Variants in GLI3 observed in about 807,000 individuals in gnomAD.
GLI3 encodes transcription activator GLI3.
Under a neutral mutation model 100.8 loss-of-function variants are expected in GLI3, and 20 were observed. The ratio of observed to expected loss-of-function variants is 0.20; its 90% CI spans 0.14 to 0.29. GLI3 has a LOEUF of 0.29. Ranked by LOEUF, GLI3 falls within the 10% of genes least tolerant of loss-of-function variation. GLI3 has a pLI of 1.00. For missense variants in GLI3, 2,040 were observed against 2,128.5 expected (o/e 0.96, Z 0.82); for synonymous variants, 938 against 860.5 (o/e 1.09, Z -1.58).
chr7:42,217,491 C>T (rs1450797477), intron 2 of GLI3, among the ~76,000 whole-genome samples: 1 of 152,118 alleles, frequency 6.6e-6, no homozygotes, highest in African/African-American at 2.4e-5. Flanking sequence ...ACCAGTTCAA[C>T]CCAGGAAAAG....
chr7:42,166,357 G>A (rs1787240771), intron 2 of GLI3, among the ~76,000 whole-genome samples: 1 of 152,206 alleles, frequency 6.6e-6, no homozygotes, highest in South Asian at 2.1e-4. Context: ...TTGAATGAAT[G>A]TGGTGGGACT....
At chr7:42,124,366 C>T (rs547233996) in intron 3 of GLI3, among the ~76,000 whole-genome samples, 1 of 152,202 alleles carries the variant, frequency 6.6e-6, no homozygotes, top group Non-Finnish European at 1.5e-5. Context: ...AAAATGTGGA[C>T]GACACTTATT....
intron 2 of GLI3, among the ~76,000 whole-genome samples, chr7:42,188,271 T>C (rs1787759459): frequency 6.6e-6 from 1 of 152,146 alleles, no homozygotes; most frequent in Non-Finnish European, 1.5e-5. Flanking sequence ...TAATTTGTTA[T>C]AGCAGCCTAG....
At chr7:42,230,690 T>G (rs2128705450) in intron 1 of GLI3, among the ~76,000 whole-genome samples, 1 of 152,366 alleles carries the variant, frequency 6.6e-6, no homozygotes, top group Middle Eastern at 3.4e-3. Flanking sequence ...GAGGGGAGTA[T>G]GAGGTCTCCA....
intron 2 of GLI3, among the ~76,000 whole-genome samples, chr7:42,198,572 C>T (rs530030222): frequency 2.0e-5 from 3 of 152,326 alleles, no homozygotes; most frequent in Admixed American, 6.5e-5. Flanking sequence ...TCCAAACACC[C>T]TCTACCTCAT....
chr7:42,194,440 C>T (rs1462666588), intron 2 of GLI3, among the ~76,000 whole-genome samples: 1 of 152,214 alleles, frequency 6.6e-6, no homozygotes, highest in Non-Finnish European at 1.5e-5. Context: ...TCCAACTTTT[C>T]TGGCTCTGCT....
Position 41,977,942 on chromosome 7 carries a change from T to G in GLI3, c.1648-220A>C, listed in dbSNP as rs201067187. On this transcript the variant is annotated intron_variant, in intron 11 of 14. Coordinates refer to ENST00000395925, the MANE Select transcript of GLI3 (RefSeq NM_000168.6). ...TTCAGTGCCAGTAAAAGTCCTGAAGTTTTTTTTTTTAATAGACCGCTCAAT... is the reference window on the plus strand; with the variant it reads ...TTCAGTGCCAGTAAAAGTCCTGAAGGTTTTTTTTTTAATAGACCGCTCAAT... The G allele has an allele frequency of 2.1e-5, 4 of 189,574 alleles. No individual in the cohort carries two copies. In the East Asian group the frequency reaches 3.4e-3, roughly 159 times the overall value. 11.7% of individuals were successfully genotyped at this position (189,574 alleles called of 1,614,324 possible).
At chr7:41,986,820 T>TAA (rs1787837052) in intron 10 of GLI3, among the ~76,000 whole-genome samples, 1 of 151,222 alleles carries the variant, frequency 6.6e-6, no homozygotes, top group South Asian at 2.1e-4. Flanking sequence ...ACATGGTAGA[T>TAA]AAATTATATC....
rs1459646925 is a variant in GLI3, at chr7:42,100,200, ATAAAGGGACTG to A, written c.368-23354_368-23344del. Reference sequence around the variant, plus strand: ...GCTGCCCGGTGCAGCCAAAGCACAGATAAAGGGACTGTGACTGTGAAAGTCCAGCAGCATGT... The same window carrying A: ...GCTGCCCGGTGCAGCCAAAGCACAGATGACTGTGAAAGTCCAGCAGCATGT... On this transcript the variant is annotated intron_variant, in intron 3 of 14. Coordinates refer to ENST00000395925, the MANE Select transcript of GLI3 (RefSeq NM_000168.6). Among the ~76,000 whole-genome samples the A allele has an allele frequency of 3.9e-5, 6 of 152,210 alleles. No homozygotes were observed. In the East Asian group the frequency reaches 9.6e-4, roughly 24 times the overall value.
At chr7:42,089,805 T>C (rs1382889073) in intron 3 of GLI3, among the ~76,000 whole-genome samples, 1 of 152,248 alleles carries the variant, frequency 6.6e-6, no homozygotes, top group Non-Finnish European at 1.5e-5. Flanking sequence ...CACAAAGTTG[T>C]ACAAGGCCCC....
At chr7:42,147,341 T>C (rs1015440857) in intron 3 of GLI3, among the ~76,000 whole-genome samples, 5 of 152,188 alleles carry the variant, frequency 3.3e-5, no homozygotes, top group African/African-American at 1.2e-4. Flanking sequence ...TTCTGAATGA[T>C]GTGGAAAAGG....
At chr7:42,085,838 G>T (rs893110903) in intron 3 of GLI3, among the ~76,000 whole-genome samples, 1 of 152,216 alleles carries the variant, frequency 6.6e-6, no homozygotes, top group South Asian at 2.1e-4. Flanking sequence ...GCACAAGAGA[G>T]AATGCTGCCA....
chr7:42,037,726 G>A (rs1390967311), intron 7 of GLI3, among the ~76,000 whole-genome samples: 4 of 152,204 alleles, frequency 2.6e-5, no homozygotes, highest in African/African-American at 9.7e-5. Context: ...GTCTTTAAGT[G>A]AATCTCTTCT....
intron 2 of GLI3, among the ~76,000 whole-genome samples, chr7:42,187,439 T>A (rs1787739163): frequency 6.6e-6 from 1 of 152,012 alleles, no homozygotes; most frequent in Non-Finnish European, 1.5e-5. Flanking sequence ...GAGGAAAGGG[T>A]GAAAGTTCAT....
intron 2 of GLI3, among the ~76,000 whole-genome samples, chr7:42,168,007 T>C (rs1171926001): frequency 6.6e-6 from 1 of 152,202 alleles, no homozygotes; most frequent in East Asian, 1.9e-4. Flanking sequence ...GGAAGGTTGC[T>C]TATAAGACCA....
At chr7:42,100,009 C>T (rs1785424930) in intron 3 of GLI3, among the ~76,000 whole-genome samples, 1 of 152,260 alleles carries the variant, frequency 6.6e-6, no homozygotes, top group South Asian at 2.1e-4. Flanking sequence ...TGAAGAGCTG[C>T]TCATTGGATA....
intron 3 of GLI3, among the ~76,000 whole-genome samples, chr7:42,147,359 C>A (rs1431537672): frequency 6.6e-6 from 1 of 152,188 alleles, no homozygotes; most frequent in Non-Finnish European, 1.5e-5. Context: ...AGGGGAAACA[C>A]AAACCAGTCC....
At chr7:41,991,460 C>T (rs1787985397) in intron 10 of GLI3, among the ~76,000 whole-genome samples, 1 of 152,168 alleles carries the variant, frequency 6.6e-6, no homozygotes, top group Non-Finnish European at 1.5e-5. Flanking sequence ...CATCTTGACC[C>T]CCTATTAACA....
chr7:42,186,627 G>A (rs1188423770), intron 2 of GLI3, among the ~76,000 whole-genome samples: 2 of 152,164 alleles, frequency 1.3e-5, no homozygotes, highest in Non-Finnish European at 2.9e-5. Context: ...GCAAAATTCA[G>A]GGTCTTTCAG....
Sources: gnomAD v4.1 joint callset for allele counts (sites outside exome capture counted in the v4.1 genomes callset) on GRCh38, gnomAD v4.1.1 for gene constraint, MANE v1.5 for transcripts, NCBI Gene and HGNC (gene_info 2026-07-23, HGNC 2026-07-21) for gene names.